ATAD1: variants seen among roughly 807,000 people sequenced by gnomAD.
ATAD1 encodes ATPase family AAA domain containing 1.
Under a neutral mutation model 42.7 loss-of-function variants are expected in ATAD1, and 18 were observed. The observed-to-expected ratio is 0.42, with a 90% confidence interval of 0.29 to 0.63. The LOEUF (loss-of-function observed/expected upper bound fraction) is 0.63. Among genes scored for constraint, ATAD1 ranks in the 20% least tolerant of loss-of-function variants. The pLI is 0.19. For synonymous variants in ATAD1, 132 were observed against 143.1 expected, an observed-to-expected ratio of 0.92 and a Z score of 0.55; for missense variants, 294 against 440.4, an observed-to-expected ratio of 0.67 and a Z score of 2.98.
chr10:87,800,750 A>G (rs1278444814), intron 2 of ATAD1, among the ~76,000 whole-genome samples: 1 of 152,192 alleles, frequency 6.6e-6, no homozygotes, highest in East Asian at 1.9e-4. Flanking sequence ...AAACACTGAC[A>G]GCAATTAAAG....
At chr10:87,789,187 A>G (rs1227689703) in intron 4 of ATAD1, among the ~76,000 whole-genome samples, 1 of 152,224 alleles carries the variant, frequency 6.6e-6, no homozygotes, top group East Asian at 1.9e-4. Flanking sequence ...TGCTATTTTG[A>G]TATTTTTAAA....
At chr10:87,790,247 G>C in intron 4 of ATAD1, 63 bp downstream of exon 4, 3 of 1,569,772 alleles carry the variant, frequency 1.9e-6, no homozygotes, top group Non-Finnish European at 2.6e-6. Flanking sequence ...TTCTACAATG[G>C]CAGAAAGTTT....
intron 1 of ATAD1, among the ~76,000 whole-genome samples, chr10:87,824,926 A>G (rs757490928): frequency 1.6e-4 from 24 of 152,170 alleles, no homozygotes; most frequent in Non-Finnish European, 2.9e-4. Context: ...CTACGACCCA[A>G]AGATAATAAA....
intron 2 of ATAD1, among the ~76,000 whole-genome samples, chr10:87,798,911 A>G (rs563016526): frequency 6.6e-5 from 10 of 152,172 alleles, no homozygotes; most frequent in South Asian, 2.1e-4. Flanking sequence ...TGAATCTATA[A>G]TATGTACTTC....
At chr10:87,825,402 T>C (rs1395199065) in intron 1 of ATAD1, among the ~76,000 whole-genome samples, 9 of 147,256 alleles carry the variant, frequency 6.1e-5, no homozygotes, top group Non-Finnish European at 1.2e-4. Flanking sequence ...CTCCACCTCC[T>C]AGGTTCACGC....
intron 5 of ATAD1, among the ~76,000 whole-genome samples, chr10:87,783,699 C>T (rs981020728): frequency 2.6e-5 from 4 of 151,410 alleles, no homozygotes; most frequent in Admixed American, 2.0e-4. Context: ...AAATATTGAT[C>T]CATAATATAG....
intron 3 of ATAD1, among the ~76,000 whole-genome samples, chr10:87,791,318 C>A (rs559151316): frequency 6.6e-6 from 1 of 152,072 alleles, no homozygotes; most frequent in East Asian, 1.9e-4. Flanking sequence ...TTCAACTTGT[C>A]CTGAAAGGAC....
intron 2 of ATAD1, 99 bp downstream of exon 2, chr10:87,814,339 G>A: frequency 8.8e-7 from 1 of 1,135,316 alleles, no homozygotes; most frequent in South Asian, 1.8e-5. Context: ...GGGTCTTATA[G>A]AATTTCTCAT....
chr10:87,789,645 C>T (rs1855999610), intron 4 of ATAD1, among the ~76,000 whole-genome samples: 1 of 152,006 alleles, frequency 6.6e-6, no homozygotes, highest in South Asian at 2.1e-4. Flanking sequence ...TCACTTGAGC[C>T]TGGGAGGCGG....
chr10:87,769,079 GAATAAAA>G (rs1854905724), intron 7 of ATAD1, among the ~76,000 whole-genome samples: 1 of 152,076 alleles, frequency 6.6e-6, no homozygotes, highest in African/African-American at 2.4e-5. Context: ...TTTAAAAAAA[GAATAAAA>G]TTTAAAAAAC....
intron 5 of ATAD1, among the ~76,000 whole-genome samples, chr10:87,783,863 C>A: frequency 6.7e-6 from 1 of 150,370 alleles, no homozygotes; most frequent in African/African-American, 2.4e-5. Context: ...ATTTGTAAAC[C>A]AGATACAAAA....
At chr10:87,791,365 A>T (rs1288045283) in intron 3 of ATAD1, among the ~76,000 whole-genome samples, 2 of 152,166 alleles carry the variant, frequency 1.3e-5, no homozygotes, top group Non-Finnish European at 2.9e-5. Context: ...GTTGGGGCCA[A>T]TCAGAAGCAA....
chr10:87,821,987 A>G (rs1300645811), upstream of ATAD1, among the ~76,000 whole-genome samples: 1 of 152,216 alleles, frequency 6.6e-6, no homozygotes, highest in Non-Finnish European at 1.5e-5. Context: ...CTGAACCATT[A>G]ACCCAGCTGG....
chr10:87,801,395 T>C (rs1048223676), intron 2 of ATAD1, among the ~76,000 whole-genome samples: 26 of 152,176 alleles, frequency 1.7e-4, no homozygotes, highest in African/African-American at 6.0e-4. Flanking sequence ...AAAAATGACA[T>C]AATTTGGCTT....
At chr10:87,776,554 G>A (rs923475428) in intron 5 of ATAD1, 127 bp from the exon 6 acceptor site, 10 of 639,278 alleles carry the variant, frequency 1.6e-5, no homozygotes, top group South Asian at 1.9e-5. Flanking sequence ...TTGCAACCTC[G>A]AACTCCCAGG....
At chr10:87,840,330 T>TA (rs916968618) in intron 1 of ATAD1, among the ~76,000 whole-genome samples, 2 of 151,800 alleles carry the variant, frequency 1.3e-5, no homozygotes, top group Non-Finnish European at 2.9e-5. Flanking sequence ...AAAATAAAAG[T>TA]AAAAAATTAG....
chr10:87,771,092 C>T (rs1408529197), intron 6 of ATAD1, 51 bp from the exon 7 acceptor site: 1 of 1,396,600 alleles, frequency 7.2e-7, no homozygotes, highest in Non-Finnish European at 1.0e-6. Flanking sequence ...TTATACTCCT[C>T]TGAGAATGTT....
intron 5 of ATAD1, among the ~76,000 whole-genome samples, chr10:87,783,302 G>C (rs1485371680): frequency 1.3e-5 from 2 of 151,840 alleles, no homozygotes; most frequent in African/African-American, 4.8e-5. Context: ...GCCTGGGGAG[G>C]TTGAGGCTGC....
intron 1 of ATAD1, among the ~76,000 whole-genome samples, chr10:87,816,174 T>C (rs1282178971): frequency 6.6e-6 from 1 of 152,166 alleles, no homozygotes; most frequent in Non-Finnish European, 1.5e-5. Context: ...TCTACCTTTA[T>C]AACTGTCACA....
Sources: gnomAD v4.1 joint callset for allele counts (sites outside exome capture counted in the v4.1 genomes callset) on GRCh38, gnomAD v4.1.1 for gene constraint, MANE v1.5 for transcripts, NCBI Gene and HGNC (gene_info 2026-07-23, HGNC 2026-07-21) for gene names.